Variants in CACNG5 observed in about 807,000 individuals in gnomAD.
CACNG5 encodes the protein calcium voltage-gated channel auxiliary subunit gamma 5.
A neutral mutation model predicts 24.8 loss-of-function variants in CACNG5; 18 were observed. The ratio of observed to expected loss-of-function variants is 0.73; its 90% CI spans 0.50 to 1.08. The LOEUF (loss-of-function observed/expected upper bound fraction) is 1.08, where lower values mean the gene tolerates loss of function less well. Among genes scored for constraint, CACNG5 ranks in the 50% least tolerant of loss-of-function variants. CACNG5 has a pLI of 0.00. For synonymous variants in CACNG5, 157 were observed against 149.1 expected, an observed-to-expected ratio of 1.05 and a Z score of -0.39; for missense variants, 349 against 367.9, an observed-to-expected ratio of 0.95 and a Z score of 0.42.
rs372628866 is a variant in CACNG5 at position 66,849,337 on chromosome 17, G to A, written c.-104+14087G>A. Among the ~76,000 whole-genome samples the A allele has an allele frequency of 3.1e-3, 468 of 152,050 alleles. 4 individuals carry two copies. Among genetic ancestry groups the A allele is most frequent in the African/African-American group, 0.011 (443 of 41,490 alleles). On this transcript the variant is annotated intron_variant, in intron 1 of 5. Transcript: ENST00000533854. ...GGGTGGGGGGAGCCGCACTGGGACG[G>A]GAGGGGCAGAGGAGGAGGAGGCCAG... is the stretch of plus-strand genomic sequence containing the variant.
At chr17:66,855,265 A>G (rs563688823) in intron 1 of CACNG5, among the ~76,000 whole-genome samples, 1 of 152,158 alleles carries the variant, frequency 6.6e-6, no homozygotes, top group Non-Finnish European at 1.5e-5. Context: ...CTCTCTTAAC[A>G]GGCAGCGATT....
rs150614966 is a variant in CACNG5, at chr17:66,884,988, C to T, written c.576C>T (p.Ala192=). Residue 192 remains alanine, a synonymous_variant, in exon 6 of 6, where the codon GCC becomes GCT. Transcript: ENST00000533854. ...CTGCTGTCTTCTCCCTGTAGAGTGC[C>T]GGGGTGATGTCTGTGTACCTGTTTA... The part of the protein sequence containing the change: ...AAISFLLTES[A]GVMSVYLFMK... 20 of 1,614,060 alleles carry T rather than the reference C, an allele frequency of 1.2e-5. No homozygotes were observed. Among genetic ancestry groups the T allele is most frequent in the South Asian group, 4.4e-5 (4 of 91,074 alleles).
intron 1 of CACNG5, among the ~76,000 whole-genome samples, chr17:66,863,905 ACTTT>A (rs1976896500): frequency 6.6e-6 from 1 of 152,182 alleles, no homozygotes; most frequent in Non-Finnish European, 1.5e-5. Context: ...GTGGACGATT[ACTTT>A]CTTTAAGCAT....
At chr17:66,843,267 A>T (rs1035903171) in intron 1 of CACNG5, among the ~76,000 whole-genome samples, 1 of 152,142 alleles carries the variant, frequency 6.6e-6, no homozygotes, top group African/African-American at 2.4e-5. Context: ...TCACTGTGCC[A>T]CTCTGAAGTC....
intron 1 of CACNG5, among the ~76,000 whole-genome samples, chr17:66,855,569 G>A (rs145207530): frequency 0.013 from 2,014 of 152,272 alleles, 47 homozygotes; most frequent in African/African-American, 0.046. Flanking sequence ...TGTCACCCAG[G>A]CTGGAGTGCA....
rs1301470816 is a variant in CACNG5 at position 66,887,590 on chromosome 17, A to G, written c.*2350A>G. On this transcript the variant is annotated 3_prime_UTR_variant, in exon 6 of 6. Coordinates refer to ENST00000533854, the MANE Select transcript of CACNG5 (RefSeq NM_145811.3). ...TTAGGTAAGCGCTATTCCAATTTTT[A>G]TCAATGTAATTAGCTCCTAATTGCA... Among the ~76,000 whole-genome samples the G allele has an allele frequency of 6.6e-6, 1 of 152,110 alleles. No homozygotes were observed. The highest frequency in any genetic ancestry group is 2.1e-4 in the South Asian group (1 of 4,828).
intron 1 of CACNG5, among the ~76,000 whole-genome samples, chr17:66,863,691 A>G (rs545316919): frequency 7.2e-5 from 11 of 152,176 alleles, no homozygotes; most frequent in Non-Finnish European, 1.6e-4. Context: ...ATTGAGATTT[A>G]TACACATAAT....
chr17:66,869,460 A>G (rs1976973056), intron 1 of CACNG5, among the ~76,000 whole-genome samples: 1 of 152,192 alleles, frequency 6.6e-6, no homozygotes, highest in Non-Finnish European at 1.5e-5. Flanking sequence ...TAAGTCTTTC[A>G]TAAGTCTTCA....
Position 66,878,379 on chromosome 17 carries a change from G to A in CACNG5, c.197-593G>A, listed in dbSNP as rs913104822. 5.3e-5 allele frequency among the ~76,000 whole-genome samples: 8 copies of A among 152,238 alleles called. No individual in the cohort carries two copies. In the East Asian group the frequency reaches 1.3e-3, roughly 26 times the overall value. ...CTCCCAGCCTTTTACCTCCCAGCTT[G>A]ATAGTACAGCTTTGGGGGATGGAGT... On this transcript the variant is annotated intron_variant, in intron 2 of 5. Coordinates refer to ENST00000533854, the MANE Select transcript of CACNG5 (RefSeq NM_145811.3).
At position 66,893,669 on chromosome 17, in the gene CACNG5, C is replaced by A. The variant is rs780092059; in HGVS notation, c.*8429C>A. On this transcript the variant is annotated 3_prime_UTR_variant, in exon 6 of 6. Coordinates refer to ENST00000533854, the MANE Select transcript of CACNG5 (RefSeq NM_145811.3). Reference sequence around the variant, plus strand: ...CTCCAGATTCCATTTTCCTGGCTGACTCCCAGGGCACCATGGAGCAAATGG... The same window carrying A: ...CTCCAGATTCCATTTTCCTGGCTGAATCCCAGGGCACCATGGAGCAAATGG... 6.6e-5 allele frequency among the ~76,000 whole-genome samples: 10 copies of A among 152,184 alleles called. No individual in the cohort carries two copies. The highest frequency in any genetic ancestry group is 1.0e-4 in the Non-Finnish European group (7 of 68,034).
chr17:66,877,317 G>C lies in CACNG5; in HGVS notation c.-16G>C, dbSNP rs1009190376. Reference sequence around the variant, plus strand: ...TGGGAGCGTGGCGACTAGTTGCACAGCAACGGTCCAGGAAGATGAGTGCCT... The same window carrying C: ...TGGGAGCGTGGCGACTAGTTGCACACCAACGGTCCAGGAAGATGAGTGCCT... On this transcript the variant is annotated 5_prime_UTR_variant, in exon 2 of 6. Transcript: ENST00000533854. 3 of 1,609,536 alleles carry C rather than the reference G, an allele frequency of 1.9e-6. No individual in the cohort carries two copies. Among genetic ancestry groups the C allele is most frequent in the Non-Finnish European group, 2.5e-6 (3 of 1,176,844 alleles).
chr17:66,879,835 T>C (rs934331898), intron 3 of CACNG5, among the ~76,000 whole-genome samples: 1 of 152,100 alleles, frequency 6.6e-6, no homozygotes. Flanking sequence ...ACATTATTGA[T>C]CATGTGATTG....
intron 1 of CACNG5, among the ~76,000 whole-genome samples, chr17:66,854,914 C>T (rs1440674377): frequency 6.6e-6 from 1 of 152,136 alleles, no homozygotes; most frequent in Non-Finnish European, 1.5e-5. Context: ...AAAAGATACC[C>T]CATATCACCG....
chr17:66,845,058 G>T (rs561034630), intron 1 of CACNG5, among the ~76,000 whole-genome samples: 1 of 152,284 alleles, frequency 6.6e-6, no homozygotes, highest in African/African-American at 2.4e-5. Context: ...GCCTATCAAT[G>T]ATAGACTGGA....
At chr17:66,881,800 T>A (rs1316729377) in intron 4 of CACNG5, among the ~76,000 whole-genome samples, 2 of 133,138 alleles carry the variant, frequency 1.5e-5, no homozygotes, top group Non-Finnish European at 3.1e-5. Flanking sequence ...GGCAAAGAAG[T>A]GAGGTTGGGG....
chr17:66,844,480 T>G (rs1026791605), intron 1 of CACNG5, among the ~76,000 whole-genome samples: 2 of 152,228 alleles, frequency 1.3e-5, no homozygotes, highest in African/African-American at 4.8e-5. Flanking sequence ...AGAAGACAGA[T>G]GTCATACAAG....
Position 66,865,633 on chromosome 17 carries a change from C to CT in CACNG5, c.-103-11583dup, listed in dbSNP as rs10707080. Among the ~76,000 whole-genome samples the CT allele has an allele frequency of 3.6e-4, 50 of 137,552 alleles. 1 individual carries two copies. The highest frequency in any genetic ancestry group is 3.7e-3 in the Middle Eastern group (1 of 270). 90.2% of individuals were successfully genotyped at this position (137,552 alleles called of 152,430 possible). A position where few individuals can be genotyped will look rare whatever the true frequency, so the allele number is the denominator to read the frequency against. On this transcript the variant is annotated intron_variant, in intron 1 of 5. Transcript: ENST00000533854. Reference sequence around the variant, plus strand: ...TTTCAAATCAAGTCTGACAAAATTTCTTTTTTTTTTTTTTGAGACAGAGTC... The same window carrying CT: ...TTTCAAATCAAGTCTGACAAAATTTCTTTTTTTTTTTTTTTGAGACAGAGTC...
At chr17:66,874,700 GC>G (rs1031670198) in intron 1 of CACNG5, among the ~76,000 whole-genome samples, 37 of 152,286 alleles carry the variant, frequency 2.4e-4, no homozygotes, top group African/African-American at 8.7e-4. Flanking sequence ...TTCAACATGA[GC>G]TTTGGTGGGG....
At chr17:66,857,315 G>A (rs1976795294) in intron 1 of CACNG5, among the ~76,000 whole-genome samples, 1 of 151,738 alleles carries the variant, frequency 6.6e-6, no homozygotes. Flanking sequence ...CAAAGTGCTG[G>A]GATTATAGGC....
Sources: gnomAD v4.1 joint callset for allele counts (sites outside exome capture counted in the v4.1 genomes callset) on GRCh38, gnomAD v4.1.1 for gene constraint, MANE v1.5 for transcripts, NCBI Gene and HGNC (gene_info 2026-07-23, HGNC 2026-07-21) for gene names.